Variants in F13A1 observed in about 807,000 individuals in gnomAD.
The protein encoded by F13A1 is FSF, A subunit.
A neutral mutation model predicts 80.1 loss-of-function variants in F13A1; 47 were observed. That is an observed-to-expected ratio of 0.59 (90% CI 0.46 to 0.75). The LOEUF (loss-of-function observed/expected upper bound fraction) is 0.75. Among genes scored for constraint, F13A1 ranks in the 30% least tolerant of loss-of-function variants. The probability of loss-of-function intolerance (pLI) is 0.00; values close to 1 mark genes in which losing one functional copy is unlikely to be tolerated. For synonymous variants in F13A1, 349 were observed against 344.9 expected, an observed-to-expected ratio of 1.01 and a Z score of -0.13; for missense variants, 817 against 930.4, an observed-to-expected ratio of 0.88 and a Z score of 1.59.
chr6:6,206,908 G>A (rs1761498932), intron 8 of F13A1, among the ~76,000 whole-genome samples: 1 of 151,060 alleles, frequency 6.6e-6, no homozygotes, highest in African/African-American at 2.4e-5. Context: ...AGTGTGGTAG[G>A]AAGCACTTGT....
intron 10 of F13A1, among the ~76,000 whole-genome samples, chr6:6,189,583 C>T (rs866391768): frequency 4.0e-4 from 57 of 143,962 alleles, no homozygotes; most frequent in Middle Eastern, 3.8e-3. Flanking sequence ...GAGTTTCTGC[C>T]GAGAGATCCG....
chr6:6,285,961 G>T (rs1396551182), intron 3 of F13A1, among the ~76,000 whole-genome samples: 1 of 152,214 alleles, frequency 6.6e-6, no homozygotes, highest in Non-Finnish European at 1.5e-5. Context: ...AATGCATCAA[G>T]TGGTCACGAG....
chr6:6,261,472 C>T (rs1305901486), intron 4 of F13A1, among the ~76,000 whole-genome samples: 1 of 152,200 alleles, frequency 6.6e-6, no homozygotes, highest in African/African-American at 2.4e-5. Context: ...AGTGTTGACC[C>T]CGACCAGCAG....
rs533014781 is a variant in F13A1 at position 6,177,655 on chromosome 6, A to C, written c.1460-2788T>G. ...AGTAACCATTCATTCAAATCATCTC[A>C]TGCTGTTGGAAACCCCATAATGTTC... On this transcript the variant is annotated intron_variant, in intron 11 of 14. Transcript: ENST00000264870. 5.3e-5 allele frequency among the ~76,000 whole-genome samples: 8 copies of C among 152,332 alleles called. No individual in the cohort carries two copies. In the East Asian group the frequency reaches 1.5e-3, roughly 29 times the overall value.
intron 8 of F13A1, among the ~76,000 whole-genome samples, chr6:6,201,700 T>A (rs921209640): frequency 5.9e-5 from 9 of 151,980 alleles, no homozygotes; most frequent in African/African-American, 2.2e-4. Flanking sequence ...TTTATTTTCC[T>A]GTTTTTTGTT....
At position 6,280,649 on chromosome 6, in the gene F13A1, G is replaced by A. The variant is rs544943960; in HGVS notation, c.320-13840C>T. On this transcript the variant is annotated intron_variant, in intron 3 of 14. Transcript: ENST00000264870. ...TGAAACACAGGGATGTAAAGAAACC[G>A]TATTGAGGTTGGACCATCCTTGCCT... 2.9e-3 allele frequency among the ~76,000 whole-genome samples: 435 copies of A among 152,276 alleles called. 6 individuals carry two copies. Among genetic ancestry groups the A allele is most frequent in the African/African-American group, 9.1e-3 (379 of 41,546 alleles).
intron 2 of F13A1, among the ~76,000 whole-genome samples, chr6:6,311,038 CTTTT>C (rs71312605): frequency 7.1e-4 from 106 of 149,278 alleles, no homozygotes; most frequent in South Asian, 2.8e-3. Context: ...AAACATCTGT[CTTTT>C]TTTTTTTAAA....
chr6:6,296,705 G>A (rs1042320697), intron 3 of F13A1, among the ~76,000 whole-genome samples: 1 of 146,640 alleles, frequency 6.8e-6, no homozygotes. Flanking sequence ...GGGACAATTT[G>A]ACTTCCTCTT....
chr6:6,283,274 T>C (rs1382950993), intron 3 of F13A1, among the ~76,000 whole-genome samples: 1 of 152,128 alleles, frequency 6.6e-6, no homozygotes, highest in Non-Finnish European at 1.5e-5. Flanking sequence ...TGTTCCAAAT[T>C]AAAGAAAACT....
chr6:6,165,877 G>A (rs1282652726), intron 13 of F13A1, among the ~76,000 whole-genome samples: 4 of 152,338 alleles, frequency 2.6e-5, no homozygotes, highest in Non-Finnish European at 4.4e-5. Context: ...TGCACACAAC[G>A]CCATGGTGGG....
At chr6:6,182,438 A>G (rs938795391) in intron 10 of F13A1, among the ~76,000 whole-genome samples, 7 of 152,122 alleles carry the variant, frequency 4.6e-5, no homozygotes, top group Non-Finnish European at 7.3e-5. Context: ...CTCACAGGAG[A>G]GAAGACAATG....
intron 12 of F13A1, among the ~76,000 whole-genome samples, chr6:6,171,118 A>G (rs1226217632): frequency 6.6e-6 from 1 of 152,152 alleles, no homozygotes; most frequent in Non-Finnish European, 1.5e-5. Context: ...ATGAGACAGG[A>G]CACTTGTGAG....
chr6:6,171,301 G>A (rs1760768474), intron 12 of F13A1, among the ~76,000 whole-genome samples: 1 of 152,204 alleles, frequency 6.6e-6, no homozygotes, highest in Admixed American at 6.5e-5. Context: ...TCATTGCTGT[G>A]TGGGGGCTTG....
chr6:6,268,211 A>G (rs923731006), intron 3 of F13A1, among the ~76,000 whole-genome samples: 5 of 152,230 alleles, frequency 3.3e-5, no homozygotes, highest in Non-Finnish European at 7.3e-5. Context: ...AAAACAGACA[A>G]TAACTTCTGT....
intron 10 of F13A1, among the ~76,000 whole-genome samples, chr6:6,184,734 T>C (rs1761048071): frequency 6.6e-6 from 1 of 152,176 alleles, no homozygotes; most frequent in Non-Finnish European, 1.5e-5. Context: ...TGAAAGTGGC[T>C]GATTCCTGCC....
chr6:6,164,300 C>T (rs1760627288), intron 13 of F13A1, among the ~76,000 whole-genome samples: 1 of 152,060 alleles, frequency 6.6e-6, no homozygotes. Flanking sequence ...CTTACGAACA[C>T]ACAGAAGGAA....
intron 11 of F13A1, among the ~76,000 whole-genome samples, chr6:6,177,620 G>A (rs1760904366): frequency 1.3e-5 from 2 of 152,234 alleles, no homozygotes; most frequent in Admixed American, 6.5e-5. Flanking sequence ...AGCTGTGAAA[G>A]TGCCTCCCCA....
At chr6:6,158,131 T>C (rs1175703797) in intron 13 of F13A1, among the ~76,000 whole-genome samples, 2 of 151,916 alleles carry the variant, frequency 1.3e-5, no homozygotes, top group Non-Finnish European at 2.9e-5. Context: ...TCCCCTGGGG[T>C]AAGCAGGCTT....
chr6:6,149,979 C>T (rs896004187), intron 14 of F13A1, among the ~76,000 whole-genome samples: 2 of 152,172 alleles, frequency 1.3e-5, no homozygotes, highest in Non-Finnish European at 2.9e-5. Flanking sequence ...GAGCCTGAGG[C>T]CTCCCAAATA....
Sources: gnomAD v4.1 joint callset for allele counts (sites outside exome capture counted in the v4.1 genomes callset) on GRCh38, gnomAD v4.1.1 for gene constraint, MANE v1.5 for transcripts, NCBI Gene and HGNC (gene_info 2026-07-23, HGNC 2026-07-21) for gene names.